BLTP1: variants seen among roughly 807,000 people sequenced by gnomAD.
BLTP1 encodes the protein fragile site-associated protein.
chr4:122,301,194 T>C, the BLTP1 span: 2 of 1,267,678 alleles, frequency 1.6e-6, no homozygotes, highest in South Asian at 1.6e-5. Flanking sequence ...TCTGTATCAG[T>C]GGTCAGTAAA....
At chr4:122,235,087 A>C in the BLTP1 span, 1 of 1,362,532 alleles carries the variant, frequency 7.3e-7, no homozygotes, top group Non-Finnish European at 1.0e-6. Flanking sequence ...CCATTTTGAG[A>C]GAAATTCAGT....
At chr4:122,187,560 A>G in the BLTP1 span, 1 of 1,539,126 alleles carries the variant, frequency 6.5e-7, no homozygotes, top group Non-Finnish European at 8.7e-7. Context: ...AGTAATGTAG[A>G]ACTTTTAATT....
At chr4:122,199,231 G>C in the BLTP1 span, 1 of 1,320,200 alleles carries the variant, frequency 7.6e-7, no homozygotes, top group South Asian at 1.6e-5. Context: ...ACTGAGGTGT[G>C]TTTAAATAGT....
the BLTP1 span, chr4:122,170,436 C>G: frequency 1.0e-6 from 1 of 970,410 alleles, no homozygotes; most frequent in Non-Finnish European, 1.2e-6. Context: ...GATCCATTCT[C>G]TTACATTTTA....
the BLTP1 span, chr4:122,349,994 C>T: frequency 2.7e-5 from 44 of 1,613,750 alleles, no homozygotes; most frequent in Non-Finnish European, 3.7e-5. This position sits in a 1 kb window ranked among gnomAD's most constrained non-coding sequence, Gnocchi z 4.5. Context: ...AGCAAACGAG[C>T]TCTGTCTACC....
chr4:122,184,989 A>G, the BLTP1 span: 3 of 984,140 alleles, frequency 3.0e-6, no homozygotes, highest in African/African-American at 5.2e-5. Context: ...TATATCATAT[A>G]GTATAGAAGA....
At chr4:122,275,771 C>A in the BLTP1 span, 1 of 200,234 alleles carries the variant, frequency 5.0e-6, no homozygotes. Flanking sequence ...GTAGTGTATT[C>A]TTTGGTATTT....
the BLTP1 span, chr4:122,359,323 T>A: frequency 1.0e-6 from 1 of 976,806 alleles, no homozygotes; most frequent in Non-Finnish European, 1.2e-6. Flanking sequence ...GCCATAGGCT[T>A]GCTATCAAGT....
At chr4:122,224,432 G>T in the BLTP1 span, 5 of 1,507,162 alleles carry the variant, frequency 3.3e-6, no homozygotes, top group Admixed American at 2.1e-5. Flanking sequence ...GGTGTGGGGG[G>T]AAACAACTAG....
chr4:122,188,314 T>A, the BLTP1 span: 3 of 508,970 alleles, frequency 5.9e-6, no homozygotes, highest in South Asian at 2.6e-4. Flanking sequence ...ATAACTATAA[T>A]TTTTTTATCC....
the BLTP1 span, chr4:122,348,948 TA>T: frequency 1.9e-6 from 1 of 538,922 alleles, no homozygotes; most frequent in East Asian, 3.1e-5. Flanking sequence ...GAGAACAGGG[TA>T]ATTTTCTAGC....
the BLTP1 span, among the ~76,000 whole-genome samples, chr4:122,181,682 G>A: frequency 6.6e-6 from 1 of 151,160 alleles, no homozygotes; most frequent in Non-Finnish European, 1.5e-5. Context: ...TCTAAATTCT[G>A]TCCCTGAGTA....
At chr4:122,181,258 T>C in the BLTP1 span, 1 of 968,784 alleles carries the variant, frequency 1.0e-6, no homozygotes, top group East Asian at 1.1e-4. Flanking sequence ...TTAAAAGAGC[T>C]ATACTGGACA....
At chr4:122,180,344 T>A in the BLTP1 span, among the ~76,000 whole-genome samples, 1 of 152,218 alleles carries the variant, frequency 6.6e-6, no homozygotes, top group Non-Finnish European at 1.5e-5. Context: ...TTACTAGTCA[T>A]GTAAATTATA....
At chr4:122,161,250 G>C in the BLTP1 span, 2 of 369,040 alleles carry the variant, frequency 5.4e-6, no homozygotes, top group Non-Finnish European at 7.5e-6. Context: ...GAGGGATTTG[G>C]GTACGATTAA....
chr4:122,200,143 C>A, the BLTP1 span: 1 of 903,102 alleles, frequency 1.1e-6, no homozygotes, highest in Non-Finnish European at 1.3e-6. Flanking sequence ...AAAAATTCTG[C>A]AATTAACAGG....
chr4:122,243,137 A>G, the BLTP1 span: 486 of 1,417,702 alleles, frequency 3.4e-4, 3 homozygotes, highest in African/African-American at 5.9e-3. Context: ...TATTCTGAAT[A>G]ATAATCATTC....
chr4:122,188,045 A>G, the BLTP1 span: 1 of 1,569,084 alleles, frequency 6.4e-7, no homozygotes, highest in Non-Finnish European at 8.6e-7. Context: ...TGTTCGAGTC[A>G]TGCTTGTTCC....
the BLTP1 span, chr4:122,328,044 AT>A: frequency 1.6e-6 from 2 of 1,254,520 alleles, no homozygotes; most frequent in Non-Finnish European, 2.1e-6. Flanking sequence ...AAATTTATAT[AT>A]TTTTTCTTTT....
Sources: gnomAD v4.1 joint callset for allele counts (sites outside exome capture counted in the v4.1 genomes callset) on GRCh38, gnomAD v4.1.1 for gene constraint, Gnocchi (gnomAD v3.1) non-coding constraint, MANE v1.5 for transcripts, NCBI Gene and HGNC (gene_info 2026-07-23, HGNC 2026-07-21) for gene names.